PSG2: variants seen among roughly 807,000 people sequenced by gnomAD.
PSG2 encodes pregnancy specific beta-1-glycoprotein 2.
PSG2 carries 49 observed loss-of-function variants against 36.2 expected under a neutral mutation model. The ratio of observed to expected loss-of-function variants is 1.35; its 90% CI spans 1.08 to 1.72. PSG2 has a LOEUF of 1.72. Among genes scored for constraint, PSG2 ranks in the 40% most tolerant of loss-of-function variants. The pLI, the probability that PSG2 is intolerant of heterozygous loss-of-function variation, is 0.00. For missense variants in PSG2, 605 were observed against 407.2 expected (o/e 1.49, Z -4.18); for synonymous variants, 261 against 155.6 (o/e 1.68, Z -5.04).
intron 2 of PSG2, among the ~76,000 whole-genome samples, chr19:43,078,122 C>A (rs954399445): frequency 6.6e-6 from 1 of 151,810 alleles, no homozygotes; most frequent in African/African-American, 2.4e-5. Flanking sequence ...GCATGGCTGA[C>A]TCCATCTGGC....
At chr19:43,082,097 C>CTTTCCTT (rs1967985663) in intron 1 of PSG2, 1 of 131,568 alleles carries the variant, frequency 7.6e-6, no homozygotes, top group Admixed American at 7.6e-5. Context: ...ACAGAGCCTT[C>CTTTCCTT]TTTCCTTTTA....
rs370625797 is a variant in PSG2 at position 43,071,814 on chromosome 19, G to T, written c.850C>A (p.Gln284Lys). The change falls in exon 4 of 6, where the codon CAA (glutamine) becomes AAA (lysine). Residue 284 changes from glutamine (Q) to lysine (K), a missense_variant. Coordinates refer to ENST00000406487, the MANE Select transcript of PSG2 (RefSeq NM_031246.4). ...GTAATTTGGGGGATAAACAGATTTTGTCCTGATTGCTGAAACTTCCCATTA... is the reference window on the plus strand; with the variant it reads ...GTAATTTGGGGGATAAACAGATTTTTTCCTGATTGCTGAAACTTCCCATTA... Reference protein sequence around the residue: ...TINGKFQQSGQNLFIPQITTK... With the variant: ...TINGKFQQSGKNLFIPQITTK... The T allele has an allele frequency of 3.1e-6, 5 of 1,612,972 alleles. 1 individual carries two copies. In the African/African-American group the frequency reaches 5.4e-5, roughly 17 times the overall value.
intron 3 of PSG2, among the ~76,000 whole-genome samples, chr19:43,073,355 C>T (rs1967846244): frequency 6.6e-6 from 1 of 151,670 alleles, no homozygotes; most frequent in Non-Finnish European, 1.5e-5. Context: ...AAGCATGTTC[C>T]CTGTCTTGGG....
Position 43,071,837 on chromosome 19 carries a change from T to C in PSG2, c.827A>G (p.Asn276Ser), listed in dbSNP as rs758633255. ...TTGTCCTGATTGCTGAAACTTCCCA[T>C]TAATTGTCCAAGAATACTGTGCCGG... ...NPPAQYSWTI[N>S]GKFQQSGQNL... The change falls in exon 4 of 6, where the codon AAT (asparagine) becomes AGT (serine). Residue 276 changes from asparagine to serine, a missense_variant. Coordinates refer to ENST00000406487, the MANE Select transcript of PSG2 (RefSeq NM_031246.4). 5 of 1,613,070 alleles carry C rather than the reference T, an allele frequency of 3.1e-6. No individual in the cohort carries two copies. The African/African-American group carries it at 6.7e-5, about 22-fold the overall frequency.
At chr19:43,076,806 CAA>C (rs1391584724) in intron 2 of PSG2, among the ~76,000 whole-genome samples, 2 of 146,444 alleles carry the variant, frequency 1.4e-5, no homozygotes, top group Non-Finnish European at 3.0e-5. Flanking sequence ...AAGCTTAAAA[CAA>C]AGTGTTTTGG....
At chr19:43,074,494 A>G (rs760665323) in intron 3 of PSG2, among the ~76,000 whole-genome samples, 1 of 151,648 alleles carries the variant, frequency 6.6e-6, no homozygotes, top group Non-Finnish European at 1.5e-5. Context: ...TTCCTTTCAG[A>G]TTGTTCATTG....
At chr19:43,077,049 A>T (rs1161060853) in intron 2 of PSG2, among the ~76,000 whole-genome samples, 8 of 151,682 alleles carry the variant, frequency 5.3e-5, no homozygotes, top group Non-Finnish European at 8.8e-5. Context: ...TTTAGACCTC[A>T]TGTTATGTTC....
At chr19:43,073,754 G>C (rs1392030669) in intron 3 of PSG2, among the ~76,000 whole-genome samples, 1 of 151,620 alleles carries the variant, frequency 6.6e-6, no homozygotes, top group East Asian at 1.9e-4. Flanking sequence ...ATCTGCTGTA[G>C]AGCTTGATGC....
rs1316501648 is a variant in PSG2, at chr19:43,072,652, A to G, written c.710-698T>C. 6 of 1,608,956 alleles carry G rather than the reference A, an allele frequency of 3.7e-6. No individual in the cohort carries two copies. The Admixed American group carries it at 8.4e-5, about 22-fold the overall frequency. On this transcript the variant is annotated intron_variant, in intron 3 of 5. Coordinates refer to ENST00000406487, the MANE Select transcript of PSG2 (RefSeq NM_031246.4). ...TCGCTGTGTGGATAACAGAGAGAAG[A>G]TTGTCCTGTGTGGCACTTTTGATTC...
intron 3 of PSG2, chr19:43,072,604 G>A: frequency 6.2e-7 from 1 of 1,611,550 alleles, no homozygotes; most frequent in Non-Finnish European, 8.5e-7. Flanking sequence ...AGTTGTTGAT[G>A]GTGATTTAGG....
intron 2 of PSG2, 139 bp from the exon 3 acceptor site, chr19:43,075,771 A>G: frequency 1.4e-6 from 2 of 1,479,816 alleles, no homozygotes; most frequent in Non-Finnish European, 1.8e-6. Context: ...GTGTGTTACA[A>G]GACAGATGCA....
Position 43,082,584 on chromosome 19 carries a change from G to A in PSG2, c.-15C>T, listed in dbSNP as rs761717605. On this transcript the variant is annotated 5_prime_UTR_variant, in exon 1 of 6. Coordinates refer to ENST00000406487, the MANE Select transcript of PSG2 (RefSeq NM_031246.4). Reference sequence around the variant, plus strand: ...AGGGGCCCCATGGTCTCTGCTGCCTGTGTGTTCTCCTCTGTGGAGATGAGC... The same window carrying A: ...AGGGGCCCCATGGTCTCTGCTGCCTATGTGTTCTCCTCTGTGGAGATGAGC... 1 of 1,610,918 alleles carries A rather than the reference G, an allele frequency of 6.2e-7. No homozygotes were observed. Among genetic ancestry groups the A allele is most frequent in the Non-Finnish European group, 8.5e-7 (1 of 1,178,306 alleles).
intron 3 of PSG2, among the ~76,000 whole-genome samples, chr19:43,073,652 G>T (rs1274267759): frequency 1.3e-5 from 2 of 151,658 alleles, no homozygotes; most frequent in East Asian, 3.8e-4. Context: ...TATGAGAAGA[G>T]ACTGCTGGTT....
intron 2 of PSG2, among the ~76,000 whole-genome samples, chr19:43,080,417 A>G (rs1414552931): frequency 6.6e-6 from 1 of 151,674 alleles, no homozygotes; most frequent in Non-Finnish European, 1.5e-5. Context: ...AGCCCTGCCC[A>G]TGAAGCCACA....
chr19:43,077,968 G>A (rs776148910), intron 2 of PSG2, among the ~76,000 whole-genome samples: 1 of 151,700 alleles, frequency 6.6e-6, no homozygotes, highest in Non-Finnish European at 1.5e-5. Context: ...AGTGACTGGA[G>A]AATGTGAGCT....
chr19:43,069,666 A>G (rs1197239294), intron 4 of PSG2, among the ~76,000 whole-genome samples: 1 of 151,742 alleles, frequency 6.6e-6, no homozygotes, highest in African/African-American at 2.4e-5. Flanking sequence ...CAAGAAAACT[A>G]GAACCTTTAC....
intron 4 of PSG2, among the ~76,000 whole-genome samples, chr19:43,069,448 G>A (rs557138463): frequency 6.6e-6 from 1 of 151,802 alleles, no homozygotes; most frequent in African/African-American, 2.4e-5. Context: ...CACACTTTCT[G>A]ATTTCAGCAT....
chr19:43,076,052 C>A (rs943563637), intron 2 of PSG2, among the ~76,000 whole-genome samples: 2 of 151,658 alleles, frequency 1.3e-5, no homozygotes, highest in African/African-American at 4.9e-5. Flanking sequence ...GCTTCCCTTG[C>A]CAAGGACATC....
intron 5 of PSG2, among the ~76,000 whole-genome samples, chr19:43,065,002 T>A (rs1327115709): frequency 6.6e-6 from 1 of 151,606 alleles, no homozygotes; most frequent in East Asian, 1.9e-4. Flanking sequence ...CGGCTAATTT[T>A]GTTTTTGCAT....
Sources: gnomAD v4.1 joint callset for allele counts (sites outside exome capture counted in the v4.1 genomes callset) on GRCh38, gnomAD v4.1.1 for gene constraint, MANE v1.5 for transcripts, NCBI Gene and HGNC (gene_info 2026-07-23, HGNC 2026-07-21) for gene names.